AGTR1: variants seen among roughly 807,000 people sequenced by gnomAD.
The protein encoded by AGTR1 is angiotensin II receptor type 1.
Under a neutral mutation model 19.4 loss-of-function variants are expected in AGTR1, and 16 were observed. The observed-to-expected ratio is 0.82, with a 90% CI of 0.56 to 1.25. The LOEUF (loss-of-function observed/expected upper bound fraction) is 1.25. AGTR1 is among the 50% of genes most tolerant of loss of function. The pLI is 0.00. For synonymous variants in AGTR1, 153 were observed against 154.9 expected (o/e 0.99, Z 0.09); for missense variants, 373 against 431.9 (o/e 0.86, Z 1.21).
chr3:148,702,185 C>A (rs1290730885), intron 1 of AGTR1, among the ~76,000 whole-genome samples: 1 of 152,034 alleles, frequency 6.6e-6, no homozygotes, highest in East Asian at 1.9e-4. Flanking sequence ...CCATGTTGGC[C>A]AGGCTGGTCT....
intron 2 of AGTR1, chr3:148,739,898 C>T (rs1364412726): frequency 8.1e-7 from 1 of 1,231,904 alleles, no homozygotes; most frequent in Admixed American, 4.2e-5. Flanking sequence ...GCCCACCTAG[C>T]TGTCCTGGCC....
intron 2 of AGTR1, among the ~76,000 whole-genome samples, chr3:148,733,404 A>T (rs1714400076): frequency 6.6e-6 from 1 of 152,224 alleles, no homozygotes; most frequent in African/African-American, 2.4e-5. Context: ...ATAATTTCTT[A>T]AGGGTACAAA....
intron 2 of AGTR1, among the ~76,000 whole-genome samples, chr3:148,726,948 C>T (rs1421617073): frequency 6.6e-6 from 1 of 152,162 alleles, no homozygotes; most frequent in Non-Finnish European, 1.5e-5. Context: ...TTTAGCTGGT[C>T]TTTCAAACTT....
rs1714843147 is a variant in AGTR1, at chr3:148,741,058, A to C, written c.23A>C (p.Glu8Ala). 7.4e-6 allele frequency: 12 copies of C among 1,613,762 alleles called. No homozygotes were observed. The highest frequency in any genetic ancestry group is 1.0e-5 in the Non-Finnish European group (12 of 1,179,808). MILNSSTEDGIKRIQDDC... is the reference protein window; with the variant it reads MILNSSTADGIKRIQDDC... ...AAAATGATTCTCAACTCTTCTACTG[A>C]AGATGGTATTAAAAGAATCCAAGAT... The change falls in exon 3 of 3, where the codon GAA becomes GCA. Residue 8 changes from glutamate (E) to alanine (A), a missense_variant. Physicochemically the swap from Glu to Ala is moderately radical, Grantham distance 107 (BLOSUM62 -1). Coordinates refer to ENST00000349243, the MANE Select transcript of AGTR1 (RefSeq NM_000685.5).
chr3:148,714,898 G>A (rs1051307145), intron 2 of AGTR1, among the ~76,000 whole-genome samples: 1 of 152,208 alleles, frequency 6.6e-6, no homozygotes, highest in East Asian at 1.9e-4. Context: ...AATTAGGGCT[G>A]TGCAACATTG....
intron 2 of AGTR1, chr3:148,739,753 G>C: frequency 8.1e-7 from 1 of 1,229,348 alleles, no homozygotes; most frequent in Non-Finnish European, 1.0e-6. Context: ...GCACAACCAT[G>C]CTTGGCATGG....
chr3:148,738,285 C>T lies in AGTR1; in HGVS notation c.-47-2704C>T, dbSNP rs868135384. Among the ~76,000 whole-genome samples, 28 of 152,120 alleles carry T rather than the reference C, an allele frequency of 1.8e-4. No homozygotes were observed. In the Middle Eastern group the frequency reaches 0.01, roughly 55 times the overall value. On this transcript the variant is annotated intron_variant, in intron 2 of 2. Coordinates refer to ENST00000349243, the MANE Select transcript of AGTR1 (RefSeq NM_000685.5). ...ATTCCCAAGCTGAACCAAATATTTACCTCTGCCCTCATTTTCAGTTATGGA... is the reference window on the plus strand; with the variant it reads ...ATTCCCAAGCTGAACCAAATATTTATCTCTGCCCTCATTTTCAGTTATGGA...
intron 1 of AGTR1, among the ~76,000 whole-genome samples, chr3:148,699,000 G>A (rs1416461816): frequency 1.3e-5 from 2 of 151,096 alleles, no homozygotes; most frequent in Non-Finnish European, 3.0e-5. Context: ...TTTTTCTTTG[G>A]GCAACCATTT....
In AGTR1 at chr3:148,742,119, G is replaced by A. The variant is rs369356715; in HGVS notation, c.*4G>A. The A allele has an allele frequency of 5.4e-5, 87 of 1,613,872 alleles. 1 individual carries two copies. Among genetic ancestry groups the A allele is most frequent in the Non-Finnish European group, 7.0e-5 (83 of 1,179,982 alleles). On this transcript the variant is annotated 3_prime_UTR_variant, in exon 3 of 3. Coordinates refer to ENST00000349243, the MANE Select transcript of AGTR1 (RefSeq NM_000685.5). The stretch of plus-strand genomic sequence containing the variant: ...ACCATGTTTTGAGGTTGAGTGACAT[G>A]TTCGAAACCTGTCCATAAAGTAATT...
intron 2 of AGTR1, among the ~76,000 whole-genome samples, chr3:148,734,330 T>C (rs901093834): frequency 6.6e-6 from 1 of 152,192 alleles, no homozygotes; most frequent in African/African-American, 2.4e-5. Context: ...TTATTTTGGA[T>C]GAAACAAGGG....
In AGTR1 at chr3:148,699,674, T is replaced by C. The variant is rs80095845; in HGVS notation, c.-132+1547T>C. Among the ~76,000 whole-genome samples the C allele has an allele frequency of 4.0e-3, 606 of 152,332 alleles. 3 individuals carry two copies. Among genetic ancestry groups the C allele is most frequent in the African/African-American group, 0.014 (569 of 41,572 alleles). On this transcript the variant is annotated intron_variant, in intron 1 of 2. Transcript: ENST00000349243. ...ATTCCTTAATTTCTTTTGTTTTGGT[T>C]ATTGCTTTAAAATAAAAGTCTAAGC... is the stretch of plus-strand genomic sequence containing the variant.
chr3:148,732,052 A>T (rs1214770655), intron 2 of AGTR1, among the ~76,000 whole-genome samples: 1 of 152,208 alleles, frequency 6.6e-6, no homozygotes, highest in East Asian at 1.9e-4. Flanking sequence ...TAATTGCTAA[A>T]CTTTAAAAAG....
chr3:148,741,009 G>A lies in AGTR1; in HGVS notation c.-27G>A. On this transcript the variant is annotated 5_prime_UTR_variant, in exon 3 of 3. Transcript: ENST00000349243. ...CCCAGGTGTATTTGATATAGTGTTT[G>A]CAACAAATTCGACCCAGGTGATCAA... 1 of 1,613,200 alleles carries A rather than the reference G, an allele frequency of 6.2e-7. No individual in the cohort carries two copies. The highest frequency in any genetic ancestry group is 8.5e-7 in the Non-Finnish European group (1 of 1,179,708).
At chr3:148,719,775 T>A (rs1713517578) in intron 2 of AGTR1, among the ~76,000 whole-genome samples, 1 of 152,226 alleles carries the variant, frequency 6.6e-6, no homozygotes, top group Non-Finnish European at 1.5e-5. Flanking sequence ...CCTGAGGCTG[T>A]CTTGTTCGTA....
rs1219019210 is a variant in AGTR1 at position 148,742,327 on chromosome 3, G to C, written c.*212G>C. 2.8e-6 allele frequency: 2 copies of C among 722,042 alleles called. No homozygotes were observed. Among genetic ancestry groups the C allele is most frequent in the African/African-American group, 1.8e-5 (1 of 56,828 alleles). The allele number at this position is 722,042 out of a possible 1,614,324, so 44.7% of individuals were successfully genotyped here. A position where few individuals can be genotyped will look rare whatever the true frequency, so the allele number is the denominator to read the frequency against. On this transcript the variant is annotated 3_prime_UTR_variant, in exon 3 of 3. Transcript: ENST00000349243. ...CAAAGCAAAGCCACATTTTGCATTA[G>C]ACAGATGACGGCTGCTCGAAGAACA...
In AGTR1 at chr3:148,741,731, A is replaced by G; in HGVS notation, c.696A>G (p.Lys232=). 6.2e-7 allele frequency: 1 copy of G among 1,613,914 alleles called. No individual in the cohort carries two copies. The highest frequency in any genetic ancestry group is 8.5e-7 in the Non-Finnish European group (1 of 1,179,958). The change falls in exon 3 of 3, where the codon AAA becomes AAG. Residue 232 remains lysine, a synonymous_variant. Transcript: ENST00000349243. The part of the protein sequence containing the change: ...LKKAYEIQKN[K]PRNDDIFKII... ...AGGCTTATGAAATTCAGAAGAACAA[A>G]CCAAGAAATGATGATATTTTTAAGA...
rs1712769923 is a variant in AGTR1 at position 148,708,046 on chromosome 3, C to CA, written c.-48+20dup. 1 of 152,116 alleles carries CA rather than the reference C, an allele frequency of 6.6e-6. No individual in the cohort carries two copies. Among genetic ancestry groups the CA allele is most frequent in the South Asian group, 2.1e-4 (1 of 4,826 alleles). The allele number at this position is 152,116 out of a possible 1,614,324, so 9.4% of individuals were successfully genotyped here. A position where few individuals can be genotyped will look rare whatever the true frequency, so the allele number is the denominator to read the frequency against. ...GCACCAGGTAAATGCCTTACATCTA[C>CA]AGCAGTGGGTCTGTCAGCAGTTTTC... On this transcript the variant is annotated intron_variant, in intron 2 of 2. Transcript: ENST00000349243.
chr3:148,732,724 C>T lies in AGTR1; in HGVS notation c.-47-8265C>T, dbSNP rs962561223. On this transcript the variant is annotated intron_variant, in intron 2 of 2. Coordinates refer to ENST00000349243, the MANE Select transcript of AGTR1 (RefSeq NM_000685.5). The stretch of plus-strand genomic sequence containing the variant: ...GGAAGGATTATAAAAGTTCATGCTT[C>T]GGAAAATTTTTTTTTTTTTTTTTTT... Among the ~76,000 whole-genome samples, 12 of 143,216 alleles carry T rather than the reference C, an allele frequency of 8.4e-5. 1 individual carries two copies. Among genetic ancestry groups the T allele is most frequent in the South Asian group, 2.2e-4 (1 of 4,490 alleles). 94.0% of individuals were successfully genotyped at this position (143,216 alleles called of 152,430 possible).
chr3:148,700,317 A>C (rs968585249), intron 1 of AGTR1, among the ~76,000 whole-genome samples: 1 of 152,204 alleles, frequency 6.6e-6, no homozygotes, highest in Non-Finnish European at 1.5e-5. Flanking sequence ...ACTTACCCAA[A>C]GCCCAGGTAA....
Sources: allele counts gnomAD v4.1 joint callset (sites outside exome capture counted in the v4.1 genomes callset), GRCh38; gene constraint gnomAD v4.1.1; transcripts MANE v1.5; gene names NCBI Gene and HGNC (gene_info 2026-07-23, HGNC 2026-07-21).